Variants in GLIS1 observed in about 807,000 individuals in gnomAD.
The protein encoded by GLIS1 is zinc finger protein GLIS1.
In GLIS1, 24 loss-of-function variants were observed where a neutral mutation model predicts 63.8. The ratio of observed to expected loss-of-function variants is 0.38; its 90% CI spans 0.27 to 0.53. The LOEUF (loss-of-function observed/expected upper bound fraction) is 0.53, where lower values mean the gene tolerates loss of function less well. GLIS1 is among the 20% of genes least tolerant of loss of function. The pLI is 0.85. For synonymous variants in GLIS1, 450 were observed against 482.5 expected, an observed-to-expected ratio of 0.93 and a Z score of 0.88; for missense variants, 1,036 against 1,074.1, an observed-to-expected ratio of 0.96 and a Z score of 0.50.
At chr1:53,634,613 C>T (rs1186918836) in intron 2 of GLIS1, among the ~76,000 whole-genome samples, 2 of 152,130 alleles carry the variant, frequency 1.3e-5, no homozygotes, top group African/African-American at 2.4e-5. Context: ...GGGAGAGAAA[C>T]GAGACATTGG....
chr1:53,553,975 G>A (rs1003892597), intron 4 of GLIS1, among the ~76,000 whole-genome samples: 4 of 152,166 alleles, frequency 2.6e-5, no homozygotes, highest in Admixed American at 6.5e-5. Flanking sequence ...GGCTCCCTAA[G>A]ATGGAGCAGT....
chr1:53,722,205 G>C (rs1646762578), intron 2 of GLIS1, among the ~76,000 whole-genome samples: 1 of 152,168 alleles, frequency 6.6e-6, no homozygotes, highest in East Asian at 1.9e-4. Flanking sequence ...TTCCCAAAGA[G>C]CTATGTGGTA....
intron 4 of GLIS1, among the ~76,000 whole-genome samples, chr1:53,542,063 C>T (rs1255205468): frequency 1.3e-5 from 2 of 152,250 alleles, no homozygotes; most frequent in Non-Finnish European, 2.9e-5. Context: ...AGTTGGGAGC[C>T]ACTGCCTCCT....
At chr1:53,515,335 C>G (rs879521595) in intron 7 of GLIS1, among the ~76,000 whole-genome samples, 7 of 151,918 alleles carry the variant, frequency 4.6e-5, no homozygotes, top group African/African-American at 9.7e-5. Context: ...ATAACTACCT[C>G]CCCCAGAGAT....
intron 4 of GLIS1, among the ~76,000 whole-genome samples, chr1:53,556,428 TGCA>T: frequency 6.9e-6 from 1 of 145,016 alleles, no homozygotes; most frequent in Middle Eastern, 4.3e-3. Context: ...GGTATGTGTG[TGCA>T]GGTGTACTGC....
At chr1:53,531,360 G>A (rs1401985965) in intron 4 of GLIS1, among the ~76,000 whole-genome samples, 1 of 152,250 alleles carries the variant, frequency 6.6e-6, no homozygotes, top group Admixed American at 6.5e-5. Context: ...TGTTACCCGA[G>A]GACTGGCGCT....
intron 4 of GLIS1, among the ~76,000 whole-genome samples, chr1:53,538,096 G>C (rs189383737): frequency 9.9e-5 from 15 of 152,260 alleles, no homozygotes; most frequent in East Asian, 3.8e-4. Context: ...TGAGGTTACT[G>C]TCCTGTGCTC....
At chr1:53,547,950 T>TCTGTGTTTTTTCATC (rs1644721263) in intron 4 of GLIS1, among the ~76,000 whole-genome samples, 1 of 152,266 alleles carries the variant, frequency 6.6e-6, no homozygotes, top group Non-Finnish European at 1.5e-5. Context: ...CTGTGCTTTA[T>TCTGTGTTTTTTCATC]TGTGTTTTAC....
chr1:53,555,827 T>A, intron 4 of GLIS1, among the ~76,000 whole-genome samples: 1 of 137,740 alleles, frequency 7.3e-6, no homozygotes, highest in Admixed American at 7.3e-5. Context: ...GCAGGTGTAC[T>A]GCAGGTGTGT....
At chr1:53,629,824 A>T (rs1441612353) in intron 2 of GLIS1, among the ~76,000 whole-genome samples, 4 of 152,250 alleles carry the variant, frequency 2.6e-5, no homozygotes, top group Admixed American at 2.0e-4. Flanking sequence ...ACAAGCCCAG[A>T]GAGCCTTCTT....
At chr1:53,533,900 C>T (rs979320917) in intron 4 of GLIS1, among the ~76,000 whole-genome samples, 2 of 152,130 alleles carry the variant, frequency 1.3e-5, no homozygotes, top group South Asian at 2.1e-4. Flanking sequence ...AAATGTGGCA[C>T]CTTATCTTCT....
At chr1:53,615,749 TATTTTTA>T (rs1645475420) in intron 2 of GLIS1, among the ~76,000 whole-genome samples, 1 of 31,848 alleles carries the variant, frequency 3.1e-5, no homozygotes, top group Admixed American at 5.5e-4. Context: ...TTATTTATTT[TATTTTTA>T]TTTTTTTTGG....
At chr1:53,521,835 A>G (rs519786) in intron 6 of GLIS1, among the ~76,000 whole-genome samples, 138,302 of 152,312 alleles carry the variant, frequency 0.91, 62,904 homozygotes, top group East Asian at 1. Flanking sequence ...AGGACACTGG[A>G]TGATGACTGG....
chr1:53,540,018 G>A (rs1238762081), intron 4 of GLIS1, among the ~76,000 whole-genome samples: 1 of 152,162 alleles, frequency 6.6e-6, no homozygotes, highest in African/African-American at 2.4e-5. Context: ...AGTCCTCCTT[G>A]TCACTCTAGG....
chr1:53,525,251 C>G (rs1644453836), intron 5 of GLIS1, among the ~76,000 whole-genome samples: 1 of 151,542 alleles, frequency 6.6e-6, no homozygotes, highest in Non-Finnish European at 1.5e-5. Flanking sequence ...ATTGAGCAGA[C>G]AGGGAGTGCA....
At chr1:53,718,387 C>A (rs1262631908) in intron 2 of GLIS1, among the ~76,000 whole-genome samples, 4 of 152,070 alleles carry the variant, frequency 2.6e-5, no homozygotes, top group Non-Finnish European at 5.9e-5. Flanking sequence ...GTATGATTCA[C>A]AGGAATTTGA....
intron 4 of GLIS1, among the ~76,000 whole-genome samples, chr1:53,556,542 T>TGC (rs1644830826): frequency 7.0e-6 from 1 of 143,084 alleles, no homozygotes; most frequent in Non-Finnish European, 1.5e-5. Context: ...ACTGCAGGTG[T>TGC]GTGTGTGTGC....
rs117246735 is a variant in GLIS1 at position 53,643,183 on chromosome 1, T to A, written c.260-42905A>T. 5.7e-4 allele frequency among the ~76,000 whole-genome samples: 87 copies of A among 152,258 alleles called. No individual in the cohort carries two copies. The East Asian group carries it at 0.015, about 26-fold the overall frequency. On this transcript the variant is annotated intron_variant, in intron 2 of 10. Transcript: ENST00000628545. ...ATCAAGAGGCACAAGGAATCAAGTA[T>A]CCATTGGAGCAGACACTTTATTATC...
intron 2 of GLIS1, among the ~76,000 whole-genome samples, chr1:53,731,512 G>A (rs1429932064): frequency 6.6e-6 from 1 of 152,212 alleles, no homozygotes; most frequent in Admixed American, 6.5e-5. Flanking sequence ...TGGTCCTGGA[G>A]AGTGGTGTAT....
Sources: gnomAD v4.1 joint callset for allele counts (sites outside exome capture counted in the v4.1 genomes callset) on GRCh38, gnomAD v4.1.1 for gene constraint, MANE v1.5 for transcripts, NCBI Gene and HGNC (gene_info 2026-07-23, HGNC 2026-07-21) for gene names.